The following C19orf12 variants were observed in gnomAD, a reference collection of about 807,000 sequenced individuals.
C19orf12 encodes protein C19orf12.
In C19orf12, 2 loss-of-function variants were observed where a neutral mutation model predicts 3.8. That is an observed-to-expected ratio of 0.53 (90% CI 0.22 to 1.66). C19orf12 has a LOEUF of 1.66. Among genes scored for constraint, C19orf12 ranks in the 40% most tolerant of loss-of-function variants. The pLI is 0.20. For missense variants in C19orf12, 156 were observed against 188.8 expected (o/e 0.83, Z 1.02); for synonymous variants, 89 against 84.6 (o/e 1.05, Z -0.28).
intron 2 of C19orf12, chr19:29,705,270 A>G (rs752127607): frequency 2.3e-6 from 1 of 426,678 alleles, no homozygotes; most frequent in African/African-American, 2.1e-5. Flanking sequence ...GTTCTACGAA[A>G]TACCTGCCCA....
rs1345006719 is a variant in C19orf12, at chr19:29,702,780, G to C, written c.358C>G (p.Gln120Glu). Residue 120 changes from glutamine (Q) to glutamate (E), a missense_variant, in exon 3 of 3, where the codon CAG becomes GAG. By Grantham distance (29) the Gln-to-Glu change is conservative. Transcript: ENST00000323670. ...LVMGSEALQQQLLAMLVNYVT... is the reference protein window; with the variant it reads ...LVMGSEALQQELLAMLVNYVT... The stretch of plus-strand genomic sequence containing the variant: ...TAGTTCACCAGCATGGCCAGCAGCT[G>C]CTGCTGCAGGGCCTCGCTGCCCATG... 1.4e-5 allele frequency: 23 copies of C among 1,613,782 alleles called. No individual in the cohort carries two copies. Among genetic ancestry groups the C allele is most frequent in the Non-Finnish European group, 1.9e-5 (23 of 1,179,970 alleles).
chr19:29,702,457 T>C lies in C19orf12; in HGVS notation c.*255A>G. The C allele has an allele frequency of 2.9e-6, 2 of 680,976 alleles. No homozygotes were observed. The highest frequency in any genetic ancestry group is 5.3e-6 in the Non-Finnish European group (2 of 374,950). 42.2% of individuals were successfully genotyped at this position (680,976 alleles called of 1,614,324 possible). On this transcript the variant is annotated 3_prime_UTR_variant, in exon 3 of 3. Coordinates refer to ENST00000323670, the MANE Select transcript of C19orf12 (RefSeq NM_031448.6). The stretch of plus-strand genomic sequence containing the variant: ...AAGCCTGCGGCAGGCAGGCCTTTAC[T>C]CTTCACTGGGGGGCCAGTCAGAGGG...
chr19:29,715,442 G>T (rs769781525), upstream of C19orf12: 1 of 403,014 alleles, frequency 2.5e-6, no homozygotes, highest in South Asian at 1.7e-5. Flanking sequence ...TTGGGTTGCG[G>T]GTGGCGTAAG....
Position 29,715,196 on chromosome 19 carries a change from G to C in C19orf12, c.-82C>G. 1 of 479,398 alleles carries C rather than the reference G, an allele frequency of 2.1e-6. No homozygotes were observed. The highest frequency in any genetic ancestry group is 2.0e-5 in the South Asian group (1 of 50,832). The allele number at this position is 479,398 out of a possible 1,614,324, so 29.7% of individuals were successfully genotyped here. ...CTGCAGCCCGGGCCTGGCAGGCCCC[G>C]GGCTCCCCGCCCAGCTCCCCAGCCC... On this transcript the variant is annotated 5_prime_UTR_variant, in exon 1 of 3. Coordinates refer to ENST00000323670, the MANE Select transcript of C19orf12 (RefSeq NM_031448.6).
intron 1 of C19orf12, among the ~76,000 whole-genome samples, chr19:29,711,154 C>T (rs1277461855): frequency 2.0e-5 from 3 of 149,454 alleles, no homozygotes; most frequent in African/African-American, 7.5e-5. Context: ...ATTCTCCTGC[C>T]TCAACCTCCC....
At chr19:29,705,730 C>T (rs1409088694) in intron 2 of C19orf12, among the ~76,000 whole-genome samples, 4 of 151,786 alleles carry the variant, frequency 2.6e-5, no homozygotes, top group Non-Finnish European at 4.4e-5. Flanking sequence ...TTGCCCAGTC[C>T]GGTCTCGAAC....
chr19:29,705,376 C>A, intron 2 of C19orf12: 1 of 378,324 alleles, frequency 2.6e-6, no homozygotes, highest in South Asian at 1.8e-5. Flanking sequence ...CAATGCAATG[C>A]GGTGTCTTAG....
rs970238141 is a variant in C19orf12 at position 29,715,110 on chromosome 19, C to A, written c.-11+15G>T. 12 of 609,890 alleles carry A rather than the reference C, an allele frequency of 2.0e-5. No individual in the cohort carries two copies. The highest frequency in any genetic ancestry group is 7.9e-5 in the African/African-American group (4 of 50,946). The allele number at this position is 609,890 out of a possible 1,614,324, so 37.8% of individuals were successfully genotyped here. On this transcript the variant is annotated intron_variant, in intron 1 of 2. Transcript: ENST00000323670. ...CCTGGGAGGCGCCCCGCCCCGGCTC[C>A]GGGCGCTCCTTTACCTGGGGGAGCG...
chr19:29,708,245 T>G lies in C19orf12; in HGVS notation c.160+9A>C, dbSNP rs771382701. The G allele has an allele frequency of 6.8e-6, 11 of 1,610,276 alleles. No homozygotes were observed. The East Asian group carries it at 2.5e-4, about 36-fold the overall frequency. ...AGGCTGGCTATCTCTGTGAGACACC[T>G]GCACTTACCAACGGCGAGTCCCGGT... On this transcript the variant is annotated intron_variant, in intron 2 of 2. Transcript: ENST00000323670.
At chr19:29,715,431 C>T (rs1451640309), upstream of C19orf12, 1 of 409,310 alleles carries the variant, frequency 2.4e-6, no homozygotes, top group East Asian at 1.1e-4. Flanking sequence ...GGGGCCCTGG[C>T]TTGGGTTGCG....
At chr19:29,706,676 C>CA (rs1464072306) in intron 2 of C19orf12, among the ~76,000 whole-genome samples, 3 of 152,196 alleles carry the variant, frequency 2.0e-5, no homozygotes, top group African/African-American at 7.2e-5. Flanking sequence ...ATGCTGAAGT[C>CA]AGGCCTCACT....
chr19:29,700,532 C>A lies in C19orf12; in HGVS notation c.*2180G>T, dbSNP rs1400574565. 2.2e-6 allele frequency: 1 copy of A among 454,114 alleles called. No individual in the cohort carries two copies. 28.1% of individuals were successfully genotyped at this position (454,114 alleles called of 1,614,324 possible). ...ATGCAGGACTTATTTGCAGGAAGAGCAGGAATGATCAGTTCAACAAGAAAA... is the reference window on the plus strand; with the variant it reads ...ATGCAGGACTTATTTGCAGGAAGAGAAGGAATGATCAGTTCAACAAGAAAA... On this transcript the variant is annotated 3_prime_UTR_variant, in exon 3 of 3. Transcript: ENST00000323670.
Position 29,700,930 on chromosome 19 carries a change from A to G in C19orf12, c.*1782T>C. Reference sequence around the variant, plus strand: ...CAGGACCTGGGGACCAAGGAATAACATTTTTTGTAGAGATGGAGGTCTCAC... The same window carrying G: ...CAGGACCTGGGGACCAAGGAATAACGTTTTTTGTAGAGATGGAGGTCTCAC... On this transcript the variant is annotated 3_prime_UTR_variant, in exon 3 of 3. Coordinates refer to ENST00000323670, the MANE Select transcript of C19orf12 (RefSeq NM_031448.6). 1 of 453,954 alleles carries G rather than the reference A, an allele frequency of 2.2e-6. No homozygotes were observed. Among genetic ancestry groups the G allele is most frequent in the Non-Finnish European group, 4.4e-6 (1 of 226,686 alleles). The allele number at this position is 453,954 out of a possible 1,614,324, so 28.1% of individuals were successfully genotyped here.
rs1210853968 is a variant in C19orf12 at position 29,700,953 on chromosome 19, C to T, written c.*1759G>A. On this transcript the variant is annotated 3_prime_UTR_variant, in exon 3 of 3. Transcript: ENST00000323670. Reference sequence around the variant, plus strand: ...ACATTTTTTGTAGAGATGGAGGTCTCACTATATTGCCCAGGCTAGTTTCAA... The same window carrying T: ...ACATTTTTTGTAGAGATGGAGGTCTTACTATATTGCCCAGGCTAGTTTCAA... 8 of 453,876 alleles carry T rather than the reference C, an allele frequency of 1.8e-5. No homozygotes were observed. Among genetic ancestry groups the T allele is most frequent in the Non-Finnish European group, 3.5e-5 (8 of 226,710 alleles). The allele number at this position is 453,876 out of a possible 1,614,324, so 28.1% of individuals were successfully genotyped here.
chr19:29,703,715 G>A (rs1292626154), intron 2 of C19orf12, among the ~76,000 whole-genome samples: 1 of 152,064 alleles, frequency 6.6e-6, no homozygotes, highest in Non-Finnish European at 1.5e-5. Context: ...CTCAGGCTGG[G>A]TGCGGTGGCT....
chr19:29,701,259 G>A lies in C19orf12; in HGVS notation c.*1453C>T, dbSNP rs886054316. On this transcript the variant is annotated 3_prime_UTR_variant, in exon 3 of 3. Transcript: ENST00000323670. ...GTACAGCTATGCCTCAGTATCCATG[G>A]GGGATGGGTTCCAGGACTGCAACCT... 4.4e-6 allele frequency: 2 copies of A among 454,050 alleles called. No individual in the cohort carries two copies. The highest frequency in any genetic ancestry group is 8.8e-6 in the Non-Finnish European group (2 of 226,774). The allele number at this position is 454,050 out of a possible 1,614,324, so 28.1% of individuals were successfully genotyped here.
chr19:29,708,894 C>T (rs1972519949), intron 1 of C19orf12, among the ~76,000 whole-genome samples: 1 of 152,202 alleles, frequency 6.6e-6, no homozygotes, highest in South Asian at 2.1e-4. Context: ...CACACGGGCA[C>T]TGACCTGCAG....
At chr19:29,712,020 A>G (rs990939579) in intron 1 of C19orf12, among the ~76,000 whole-genome samples, 2 of 152,210 alleles carry the variant, frequency 1.3e-5, no homozygotes, top group African/African-American at 4.8e-5. Context: ...ACAGATAAGG[A>G]AGGCAAGCTC....
At chr19:29,703,961 G>C (rs773170760) in intron 2 of C19orf12, among the ~76,000 whole-genome samples, 46 of 152,084 alleles carry the variant, frequency 3.0e-4, no homozygotes, top group South Asian at 4.2e-4. Context: ...TTGCACTCCA[G>C]CCTGGGTGAC....
Sources: gnomAD v4.1 joint callset for allele counts (sites outside exome capture counted in the v4.1 genomes callset) on GRCh38, gnomAD v4.1.1 for gene constraint, MANE v1.5 for transcripts, NCBI Gene and HGNC (gene_info 2026-07-23, HGNC 2026-07-21) for gene names.